The following PLB1 variants were observed in gnomAD, a reference collection of about 807,000 sequenced individuals.
PLB1 encodes phospholipase B1, membrane-associated.
In PLB1, 242 loss-of-function variants were observed where a neutral mutation model predicts 227.4. The ratio of observed to expected loss-of-function variants is 1.06; its 90% CI spans 0.96 to 1.18. PLB1 has a LOEUF of 1.18. Among genes scored for constraint, PLB1 ranks in the 50% most tolerant of loss-of-function variants. PLB1 has a pLI of 0.00. For missense variants in PLB1, 1,858 were observed against 1,816.3 expected (o/e 1.02, Z -0.42); for synonymous variants, 757 against 682.2 (o/e 1.11, Z -1.71).
At position 28,552,920 on chromosome 2, in the gene PLB1, C is replaced by T. The variant is rs777735399; in HGVS notation, c.1084-8C>T. The T allele has an allele frequency of 2.5e-6, 4 of 1,613,332 alleles. No homozygotes were observed. Among genetic ancestry groups the T allele is most frequent in the Non-Finnish European group, 3.4e-6 (4 of 1,179,274 alleles). ...ATTTTCCTTATTTCCCTGTGTGTCTCATTTCAGGTAAGAGAAGGAGCGGAA... is the reference window on the plus strand; with the variant it reads ...ATTTTCCTTATTTCCCTGTGTGTCTTATTTCAGGTAAGAGAAGGAGCGGAA... On this transcript the variant is annotated splice_region_variant and splice_polypyrimidine_tract_variant and intron_variant, in intron 16 of 57. Transcript: ENST00000327757.
intron 19 of PLB1, 103 bp from the exon 20 acceptor site, chr2:28,566,693 C>CG: frequency 7.6e-7 from 1 of 1,311,336 alleles, no homozygotes; most frequent in Admixed American, 1.7e-5. Flanking sequence ...TCCAGGCCCC[C>CG]GGGCTGTTTC....
Position 28,591,763 on chromosome 2 carries a change from A to G in PLB1, c.2188+3A>G, listed in dbSNP as rs1401513427. On this transcript the variant is annotated splice_donor_region_variant and intron_variant, in intron 31 of 57. Coordinates refer to ENST00000327757, the MANE Select transcript of PLB1 (RefSeq NM_153021.5). ...TTCTGCCTTGCACCCTACCTCAGGT[A>G]AGCCCCCTATGGCACAGCAGGACCC... The G allele has an allele frequency of 1.2e-6, 2 of 1,613,596 alleles. No homozygotes were observed. The highest frequency in any genetic ancestry group is 2.7e-5 in the African/African-American group (2 of 74,918).
intron 25 of PLB1, among the ~76,000 whole-genome samples, chr2:28,585,097 G>C (rs773399358): frequency 3.3e-5 from 5 of 152,084 alleles, no homozygotes; most frequent in Non-Finnish European, 7.4e-5. Flanking sequence ...TAATTGCTAA[G>C]ATACACTCAA....
At chr2:28,617,315 G>A (rs1686328926) in intron 44 of PLB1, among the ~76,000 whole-genome samples, 1 of 152,138 alleles carries the variant, frequency 6.6e-6, no homozygotes, top group East Asian at 1.9e-4. Context: ...GTGTCAGTTA[G>A]CTTAATTTTA....
chr2:28,540,333 C>A (rs1394083283), intron 11 of PLB1, 33 bp from the exon 12 acceptor site: 1 of 1,594,528 alleles, frequency 6.3e-7, no homozygotes, highest in South Asian at 1.1e-5. Flanking sequence ...CACTGCCTCC[C>A]CTCTCTCATT....
chr2:28,624,124 C>T (rs1410210168), intron 49 of PLB1, among the ~76,000 whole-genome samples: 2 of 152,110 alleles, frequency 1.3e-5, no homozygotes, highest in Non-Finnish European at 2.9e-5. Flanking sequence ...AACATTGTAC[C>T]TGTGAAATCA....
chr2:28,591,032 CA>C (rs751089705), intron 29 of PLB1, 100 bp from the exon 30 acceptor site: 111 of 1,449,808 alleles, frequency 7.7e-5, no homozygotes, highest in Non-Finnish European at 1.0e-4. Context: ...ACAGGGCAGG[CA>C]GGCCGCAGCT....
In PLB1 at chr2:28,538,379, G is replaced by C; in HGVS notation, c.616G>C (p.Glu206Gln). ...LMGVLDYLQQEVPRAFVNLVD... is the reference protein window; with the variant it reads ...LMGVLDYLQQQVPRAFVNLVD... Reference sequence around the variant, plus strand: ...GGGGGTGCTGGACTACCTGCAGCAGGAGGTGAGGCCACGGGCCTAGGGCTT... The same window carrying C: ...GGGGGTGCTGGACTACCTGCAGCAGCAGGTGAGGCCACGGGCCTAGGGCTT... The change falls in exon 10 of 58, where the codon GAG becomes CAG. Residue 206 changes from glutamate (E) to glutamine (Q), a missense_variant and splice_region_variant. Glu to Gln is a conservative substitution (Grantham distance 29). Coordinates refer to ENST00000327757, the MANE Select transcript of PLB1 (RefSeq NM_153021.5). The C allele has an allele frequency of 6.2e-7, 1 of 1,612,004 alleles. No individual in the cohort carries two copies. The highest frequency in any genetic ancestry group is 8.5e-7 in the Non-Finnish European group (1 of 1,179,792).
intron 25 of PLB1, among the ~76,000 whole-genome samples, chr2:28,582,925 G>C (rs1573160668): frequency 1.3e-5 from 2 of 152,166 alleles, no homozygotes; most frequent in Admixed American, 6.5e-5. Flanking sequence ...GGGTGCCTCT[G>C]GTTGGTATGG....
chr2:28,602,135 A>G (rs1290283541), intron 38 of PLB1, among the ~76,000 whole-genome samples, 171 bp downstream of exon 38: 2 of 152,162 alleles, frequency 1.3e-5, no homozygotes, highest in African/African-American at 4.8e-5. Context: ...CTTATTTTAT[A>G]TGGAATCAGC....
intron 18 of PLB1, 101 bp from the exon 19 acceptor site, chr2:28,565,179 G>A: frequency 1.0e-6 from 1 of 964,896 alleles, no homozygotes; most frequent in South Asian, 1.5e-5. Context: ...GAGTGCCCAG[G>A]TGGTCCTGGC....
At chr2:28,512,365 C>A (rs940320923) in intron 1 of PLB1, among the ~76,000 whole-genome samples, 2 of 152,054 alleles carry the variant, frequency 1.3e-5, no homozygotes, top group African/African-American at 4.8e-5. Context: ...GTCTTCATGG[C>A]TGTATTTAAT....
chr2:28,632,758 A>AAAAAAAG (rs1176149084), intron 55 of PLB1, among the ~76,000 whole-genome samples, 186 bp from the exon 56 acceptor site: 2 of 150,922 alleles, frequency 1.3e-5, no homozygotes, highest in African/African-American at 2.5e-5. Context: ...TCCGTCTCAA[A>AAAAAAAG]AAAAAAGAAA....
chr2:28,608,628 A>G (rs1169770833), intron 43 of PLB1, among the ~76,000 whole-genome samples: 2 of 152,036 alleles, frequency 1.3e-5, no homozygotes, highest in Non-Finnish European at 2.9e-5. Flanking sequence ...CTGAGCCTAT[A>G]CTCTGCCTTA....
intron 1 of PLB1, among the ~76,000 whole-genome samples, chr2:28,497,795 C>A (rs997547844): frequency 6.6e-6 from 1 of 151,786 alleles, no homozygotes; most frequent in Non-Finnish European, 1.5e-5. Flanking sequence ...CTCAGCTTAC[C>A]GCAACCTCTG....
At chr2:28,533,668 T>G (rs1671309903) in intron 9 of PLB1, among the ~76,000 whole-genome samples, 1 of 152,264 alleles carries the variant, frequency 6.6e-6, no homozygotes, top group Admixed American at 6.5e-5. Context: ...ACATATGCTA[T>G]TGTATTTGTG....
At chr2:28,554,513 TTTTTTA>T (rs1674742757) in intron 17 of PLB1, among the ~76,000 whole-genome samples, 1 of 108,936 alleles carries the variant, frequency 9.2e-6, no homozygotes, top group African/African-American at 3.2e-5. Flanking sequence ...TTTTTTTTTT[TTTTTTA>T]AGAGATGGGG....
At chr2:28,568,365 A>G (rs1386945819) in intron 20 of PLB1, among the ~76,000 whole-genome samples, 2 of 152,220 alleles carry the variant, frequency 1.3e-5, no homozygotes, top group Non-Finnish European at 2.9e-5. Context: ...AGTAATTTAC[A>G]AAGGATTGAG....
At chr2:28,501,917 T>C (rs1257762934) in intron 1 of PLB1, among the ~76,000 whole-genome samples, 1 of 152,182 alleles carries the variant, frequency 6.6e-6, no homozygotes, top group Admixed American at 6.5e-5. Flanking sequence ...ACTACTGTCA[T>C]GAACAGTCAC....
Sources: gnomAD v4.1 joint callset for allele counts (sites outside exome capture counted in the v4.1 genomes callset) on GRCh38, gnomAD v4.1.1 for gene constraint, MANE v1.5 for transcripts, NCBI Gene and HGNC (gene_info 2026-07-23, HGNC 2026-07-21) for gene names.